FOXN3: variants seen among roughly 807,000 people sequenced by gnomAD.
FOXN3 encodes the protein forkhead box N3, also known as forkhead box protein N3.
In FOXN3, 7 loss-of-function variants were observed where a neutral mutation model predicts 38.4. The observed-to-expected ratio is 0.18, with a 90% CI of 0.10 to 0.34. The LOEUF (loss-of-function observed/expected upper bound fraction) is 0.34, where lower values mean the gene tolerates loss of function less well. FOXN3 is among the 10% of genes least tolerant of loss of function. The probability of loss-of-function intolerance (pLI) is 1.00; values close to 1 mark genes in which losing one functional copy is unlikely to be tolerated. For missense variants in FOXN3, 456 were observed against 613.4 expected (o/e 0.74, Z 2.71); for synonymous variants, 230 against 242.2 (o/e 0.95, Z 0.47).
chr14:89,279,839 T>C (rs980875963), intron 4 of FOXN3, among the ~76,000 whole-genome samples: 1 of 152,200 alleles, frequency 6.6e-6, no homozygotes, highest in African/African-American at 2.4e-5. Flanking sequence ...GGCCTATAAA[T>C]CAGCACTAAA....
intron 2 of FOXN3, among the ~76,000 whole-genome samples, chr14:89,397,389 G>GT (rs956262233): frequency 6.9e-6 from 1 of 145,050 alleles, no homozygotes; most frequent in African/African-American, 2.6e-5. Context: ...TGTGACATGA[G>GT]TTTATCTATA....
chr14:89,319,868 C>T (rs1037465241), intron 3 of FOXN3, among the ~76,000 whole-genome samples: 1 of 152,152 alleles, frequency 6.6e-6, no homozygotes, highest in Non-Finnish European at 1.5e-5. Flanking sequence ...AATATAACAT[C>T]AAAAATAAAC....
intron 4 of FOXN3, among the ~76,000 whole-genome samples, chr14:89,217,480 G>T (rs1283244194): frequency 6.6e-6 from 1 of 152,116 alleles, no homozygotes; most frequent in Non-Finnish European, 1.5e-5. Flanking sequence ...GCCACGCCTA[G>T]CTGCTAGTAA....
At chr14:89,481,688 T>C (rs766628416) in intron 1 of FOXN3, among the ~76,000 whole-genome samples, 4 of 152,156 alleles carry the variant, frequency 2.6e-5, no homozygotes, top group African/African-American at 4.8e-5. Context: ...TGTTGCCTCA[T>C]CTGAAAATGA....
intron 1 of FOXN3, among the ~76,000 whole-genome samples, chr14:89,557,488 C>G (rs1019075104): frequency 1.3e-5 from 2 of 152,120 alleles, no homozygotes; most frequent in Non-Finnish European, 2.9e-5. Flanking sequence ...AGACACCTAC[C>G]AGCACCACTA....
intron 1 of FOXN3, among the ~76,000 whole-genome samples, chr14:89,504,853 T>G (rs1893878342): frequency 6.6e-6 from 1 of 152,218 alleles, no homozygotes; most frequent in Non-Finnish European, 1.5e-5. Flanking sequence ...CAACCCCAGT[T>G]AGTCCTGTCT....
chr14:89,319,486 G>C (rs1312515997), intron 3 of FOXN3, among the ~76,000 whole-genome samples: 1 of 152,000 alleles, frequency 6.6e-6, no homozygotes, highest in East Asian at 1.9e-4. Flanking sequence ...GATTTTTACT[G>C]GGGACTCTTC....
intron 3 of FOXN3, among the ~76,000 whole-genome samples, chr14:89,320,037 TTTAA>T (rs1276642418): frequency 6.6e-6 from 1 of 152,208 alleles, no homozygotes; most frequent in African/African-American, 2.4e-5. Flanking sequence ...CAATTAAAAC[TTTAA>T]TTAACTGAAA....
intron 1 of FOXN3, among the ~76,000 whole-genome samples, chr14:89,460,221 C>A (rs72703661): frequency 0.15 from 22,504 of 152,168 alleles, 2,005 homozygotes; most frequent in Middle Eastern, 0.24. Flanking sequence ...TCTAACAGAG[C>A]TGCTACCCCA....
At chr14:89,528,376 CTTTTTTTTTTTTTTTTT>C (rs55935162) in intron 1 of FOXN3, among the ~76,000 whole-genome samples, 29 of 53,576 alleles carry the variant, frequency 5.4e-4, no homozygotes, top group South Asian at 4.3e-3. Context: ...ATGGATGAAT[CTTTTTTTTTTTTTTTTT>C]TTTTTTTTTT....
chr14:89,373,237 G>A (rs1325821443), intron 2 of FOXN3, among the ~76,000 whole-genome samples: 2 of 152,180 alleles, frequency 1.3e-5, no homozygotes, highest in Non-Finnish European at 2.9e-5. Context: ...CTGAAAGCGT[G>A]TTTCAATCAG....
chr14:89,285,606 A>G (rs776236209), intron 3 of FOXN3, among the ~76,000 whole-genome samples: 4 of 152,200 alleles, frequency 2.6e-5, no homozygotes, highest in Non-Finnish European at 4.4e-5. Flanking sequence ...AGCCAGAATA[A>G]ATAAAACAGA....
chr14:89,205,764 G>A (rs947334414), intron 4 of FOXN3, among the ~76,000 whole-genome samples: 7 of 152,206 alleles, frequency 4.6e-5, no homozygotes, highest in Non-Finnish European at 8.8e-5. Flanking sequence ...CACGCCCACC[G>A]GGGCTTCGGG....
At chr14:89,518,937 C>T (rs1174604834) in intron 1 of FOXN3, among the ~76,000 whole-genome samples, 1 of 152,142 alleles carries the variant, frequency 6.6e-6, no homozygotes, top group Non-Finnish European at 1.5e-5. Context: ...ATCGCTTGAG[C>T]CCGGGAGGTG....
At chr14:89,177,538 A>ACTGGGGCTGGGGCTGGGG (rs542008664) in intron 5 of FOXN3, among the ~76,000 whole-genome samples, 4 of 140,218 alleles carry the variant, frequency 2.9e-5, no homozygotes, top group East Asian at 2.1e-4. Context: ...TGTTTCCCAA[A>ACTGGGGCTGGGGCTGGGG]CTGGGGCTGG....
Position 89,204,101 on chromosome 14 carries a change from AC to A in FOXN3, c.746-23296del, listed in dbSNP as rs1212598072. Among the ~76,000 whole-genome samples the A allele has an allele frequency of 1.9e-3, 255 of 135,610 alleles. 2 individuals carry two copies. Among genetic ancestry groups the A allele is most frequent in the African/African-American group, 7.0e-3 (240 of 34,158 alleles). The allele number at this position is 135,610 out of a possible 152,430, so 89.0% of individuals were successfully genotyped here. A position where few individuals can be genotyped will look rare whatever the true frequency, so the allele number is the denominator to read the frequency against. ...CACACACACACACACACACACACAC[AC>A]AACTACTACTACAACCACCCACAGG... On this transcript the variant is annotated intron_variant, in intron 4 of 5. Transcript: ENST00000557258.
chr14:89,549,918 G>A (rs1000776705), intron 1 of FOXN3, among the ~76,000 whole-genome samples: 1 of 152,168 alleles, frequency 6.6e-6, no homozygotes. Flanking sequence ...AGGTTCCCAA[G>A]TCTTCATTCA....
intron 4 of FOXN3, among the ~76,000 whole-genome samples, chr14:89,191,475 G>T (rs888780597): frequency 6.6e-6 from 1 of 152,164 alleles, no homozygotes; most frequent in African/African-American, 2.4e-5. Flanking sequence ...CTGCCTCTGT[G>T]TCCGCCAAAC....
At chr14:89,323,544 C>A (rs1391344150) in intron 3 of FOXN3, among the ~76,000 whole-genome samples, 1 of 151,884 alleles carries the variant, frequency 6.6e-6, no homozygotes, top group Non-Finnish European at 1.5e-5. Flanking sequence ...CATGGTGAAA[C>A]CCCGTCTCTA....
Sources: allele counts gnomAD v4.1 joint callset (sites outside exome capture counted in the v4.1 genomes callset), GRCh38; gene constraint gnomAD v4.1.1; transcripts MANE v1.5; gene names NCBI Gene and HGNC (gene_info 2026-07-23, HGNC 2026-07-21).